The following KCND2 variants were observed in gnomAD, a reference collection of about 807,000 sequenced individuals.
KCND2 encodes the protein A-type voltage-gated potassium channel KCND2.
In KCND2, 16 loss-of-function variants were observed where a neutral mutation model predicts 54.4. The ratio of observed to expected loss-of-function variants is 0.29; its 90% CI spans 0.20 to 0.45. The LOEUF (loss-of-function observed/expected upper bound fraction) is 0.45. Ranked by LOEUF, KCND2 falls within the 20% of genes least tolerant of loss-of-function variation. The probability of loss-of-function intolerance (pLI) is 1.00; values close to 1 mark genes in which losing one functional copy is unlikely to be tolerated. For synonymous variants in KCND2, 317 were observed against 310.7 expected (o/e 1.02, Z -0.21); for missense variants, 486 against 824.2 (o/e 0.59, Z 5.02).
intron 1 of KCND2, among the ~76,000 whole-genome samples, chr7:120,407,532 G>A (rs1358747640): frequency 6.6e-6 from 1 of 151,894 alleles, no homozygotes; most frequent in South Asian, 2.1e-4. Flanking sequence ...CAGCTATGTG[G>A]TATTGGATAA....
At chr7:120,737,839 A>C (rs962654903) in intron 2 of KCND2, among the ~76,000 whole-genome samples, 1 of 152,014 alleles carries the variant, frequency 6.6e-6, no homozygotes. Context: ...AAACACCTTC[A>C]TTACCTCACT....
chr7:120,556,101 T>C (rs1268082115), intron 1 of KCND2, among the ~76,000 whole-genome samples: 2 of 152,170 alleles, frequency 1.3e-5, no homozygotes, highest in East Asian at 3.8e-4. Flanking sequence ...TATACAAATG[T>C]TTCTATGCCA....
At chr7:120,525,319 G>A (rs893375699) in intron 1 of KCND2, among the ~76,000 whole-genome samples, 11 of 152,138 alleles carry the variant, frequency 7.2e-5, no homozygotes, top group African/African-American at 2.7e-4. Flanking sequence ...CTAAGCCTAA[G>A]TCATGAAGTA....
intron 1 of KCND2, among the ~76,000 whole-genome samples, chr7:120,292,514 G>C (rs1799450064): frequency 6.6e-6 from 1 of 151,794 alleles, no homozygotes; most frequent in Non-Finnish European, 1.5e-5. Flanking sequence ...TTTCCTTGGA[G>C]AAAACTTTTC....
intron 1 of KCND2, among the ~76,000 whole-genome samples, chr7:120,405,460 GGAAAACACATCTTAGT>G (rs1356750379): frequency 2.0e-5 from 3 of 152,030 alleles, no homozygotes; most frequent in Non-Finnish European, 4.4e-5. Flanking sequence ...AAAGAGTTAT[GGAAAACACATCTTAGT>G]GAAAGATCAT....
At chr7:120,416,797 G>A in intron 1 of KCND2, among the ~76,000 whole-genome samples, 1 of 147,382 alleles carries the variant, frequency 6.8e-6, no homozygotes, top group South Asian at 2.1e-4. Flanking sequence ...AAAAAAGCAA[G>A]TACTTTAAAA....
At chr7:120,664,712 C>T (rs1458590228) in intron 1 of KCND2, among the ~76,000 whole-genome samples, 2 of 151,974 alleles carry the variant, frequency 1.3e-5, no homozygotes, top group Non-Finnish European at 2.9e-5. Flanking sequence ...AATTTATGAA[C>T]CCTTGATTTT....
At chr7:120,486,330 T>G (rs191678117) in intron 1 of KCND2, among the ~76,000 whole-genome samples, 1 of 152,162 alleles carries the variant, frequency 6.6e-6, no homozygotes, top group East Asian at 1.9e-4. Flanking sequence ...CTAAAAACAA[T>G]GAAACCTGAG....
At chr7:120,650,003 T>G (rs1395449871) in intron 1 of KCND2, among the ~76,000 whole-genome samples, 1 of 152,162 alleles carries the variant, frequency 6.6e-6, no homozygotes, top group Non-Finnish European at 1.5e-5. Flanking sequence ...TCTGATGGGC[T>G]TCCCTTTGTG....
chr7:120,337,982 A>G (rs186746649), intron 1 of KCND2, among the ~76,000 whole-genome samples: 3 of 152,294 alleles, frequency 2.0e-5, no homozygotes, highest in Admixed American at 2.0e-4. Context: ...TCAGAGTTTC[A>G]CAGTGATAAA....
chr7:120,404,998 G>A (rs1355629329), intron 1 of KCND2, among the ~76,000 whole-genome samples: 1 of 152,104 alleles, frequency 6.6e-6, no homozygotes, highest in Non-Finnish European at 1.5e-5. Context: ...ATCCCTTTGG[G>A]AATGAATTTA....
chr7:120,453,107 G>A (rs1802140979), intron 1 of KCND2, among the ~76,000 whole-genome samples: 1 of 152,146 alleles, frequency 6.6e-6, no homozygotes, highest in South Asian at 2.1e-4. Flanking sequence ...CTCTATTGCA[G>A]CCTGCACCAT....
At chr7:120,591,901 T>C (rs1792676645) in intron 1 of KCND2, among the ~76,000 whole-genome samples, 1 of 152,228 alleles carries the variant, frequency 6.6e-6, no homozygotes, top group African/African-American at 2.4e-5. Flanking sequence ...ACCTATTTCA[T>C]TAAGTAAAAA....
chr7:120,459,232 G>C (rs920424852), intron 1 of KCND2, among the ~76,000 whole-genome samples: 1 of 151,992 alleles, frequency 6.6e-6, no homozygotes, highest in East Asian at 1.9e-4. Context: ...CTCCCTTGCC[G>C]TTCTTCCGAC....
At chr7:120,673,692 T>C (rs760007083) in intron 1 of KCND2, among the ~76,000 whole-genome samples, 6 of 152,150 alleles carry the variant, frequency 3.9e-5, no homozygotes, top group Non-Finnish European at 7.4e-5. Context: ...TCCTTTGCTA[T>C]AATTTTTTCA....
At chr7:120,440,256 A>T (rs1329740111) in intron 1 of KCND2, among the ~76,000 whole-genome samples, 1 of 151,890 alleles carries the variant, frequency 6.6e-6, no homozygotes, top group Non-Finnish European at 1.5e-5. Context: ...TAGGATTTTT[A>T]AAATATATCT....
At chr7:120,738,211 C>G (rs1389485593) in intron 2 of KCND2, among the ~76,000 whole-genome samples, 1 of 152,058 alleles carries the variant, frequency 6.6e-6, no homozygotes, top group African/African-American at 2.4e-5. Flanking sequence ...TCACAGTGAT[C>G]ATCCACAATG....
intron 1 of KCND2, among the ~76,000 whole-genome samples, chr7:120,335,970 A>G (rs1394540191): frequency 6.6e-6 from 1 of 152,226 alleles, no homozygotes; most frequent in African/African-American, 2.4e-5. Context: ...AAGAACAAAT[A>G]AGCAATATCA....
At chr7:120,671,071 T>A (rs1415256748) in intron 1 of KCND2, among the ~76,000 whole-genome samples, 1 of 152,090 alleles carries the variant, frequency 6.6e-6, no homozygotes, top group Non-Finnish European at 1.5e-5. Flanking sequence ...TTCCAACTTA[T>A]GTTTGTGCAT....
Sources: allele counts gnomAD v4.1 joint callset (sites outside exome capture counted in the v4.1 genomes callset), GRCh38; gene constraint gnomAD v4.1.1; transcripts MANE v1.5; gene names NCBI Gene and HGNC (gene_info 2026-07-23, HGNC 2026-07-21).